ROBO1: variants seen among roughly 807,000 people sequenced by gnomAD.
The protein encoded by ROBO1 is roundabout homolog 1.
ROBO1 carries 149 observed loss-of-function variants against 195.9 expected under a neutral mutation model. That is an observed-to-expected ratio of 0.76 (90% CI 0.67 to 0.87). The LOEUF is 0.87. Ranked by LOEUF, ROBO1 falls within the 40% of genes least tolerant of loss-of-function variation. The probability of loss-of-function intolerance (pLI) is 0.00; values close to 1 mark genes in which losing one functional copy is unlikely to be tolerated. For missense variants in ROBO1, 1,933 were observed against 2,068.3 expected, an observed-to-expected ratio of 0.93 and a Z score of 1.27; for synonymous variants, 816 against 733.2, an observed-to-expected ratio of 1.11 and a Z score of -1.82.
chr3:79,103,338 C>T (rs1183962076), intron 3 of ROBO1, among the ~76,000 whole-genome samples: 1 of 151,690 alleles, frequency 6.6e-6, no homozygotes, highest in East Asian at 1.9e-4. Context: ...AACTAAGACA[C>T]CGGTTTTCGG....
At chr3:78,708,538 TAAG>T (rs1378891540) in intron 8 of ROBO1, among the ~76,000 whole-genome samples, 1 of 152,172 alleles carries the variant, frequency 6.6e-6, no homozygotes, top group East Asian at 1.9e-4. Context: ...CATCTGATTC[TAAG>T]AAGAACCTGA....
At chr3:78,996,101 A>G (rs2077358734) in intron 3 of ROBO1, among the ~76,000 whole-genome samples, 1 of 152,102 alleles carries the variant, frequency 6.6e-6, no homozygotes, top group African/African-American at 2.4e-5. Flanking sequence ...TTCAATTTTT[A>G]TATGTTACCC....
At chr3:79,273,998 G>A (rs1052996110) in intron 2 of ROBO1, among the ~76,000 whole-genome samples, 2 of 151,960 alleles carry the variant, frequency 1.3e-5, no homozygotes, top group South Asian at 2.1e-4. Flanking sequence ...CAACACCAGG[G>A]CACCCAGATA....
At chr3:78,761,527 A>C (rs973725593) in intron 4 of ROBO1, among the ~76,000 whole-genome samples, 1 of 152,154 alleles carries the variant, frequency 6.6e-6, no homozygotes, top group Non-Finnish European at 1.5e-5. Context: ...CATTAATATA[A>C]TCTCTGATTA....
At chr3:78,787,391 G>A (rs899482950) in intron 4 of ROBO1, among the ~76,000 whole-genome samples, 2 of 152,118 alleles carry the variant, frequency 1.3e-5, no homozygotes, top group Non-Finnish European at 2.9e-5. Context: ...TACTGTTTAT[G>A]TTTTTGAAGC....
chr3:79,017,577 A>G (rs774296981), intron 3 of ROBO1, among the ~76,000 whole-genome samples: 14 of 151,916 alleles, frequency 9.2e-5, no homozygotes, highest in Non-Finnish European at 1.8e-4. Context: ...GGCTCAGTTC[A>G]CCCACAGTAA....
intron 2 of ROBO1, among the ~76,000 whole-genome samples, chr3:79,304,938 A>G (rs997105491): frequency 8.5e-5 from 13 of 152,228 alleles, no homozygotes; most frequent in Admixed American, 5.2e-4. Context: ...CATAACTGCC[A>G]AACTGTTTTC....
At chr3:78,946,667 T>C (rs1168093485) in intron 3 of ROBO1, among the ~76,000 whole-genome samples, 1 of 152,112 alleles carries the variant, frequency 6.6e-6, no homozygotes, top group Non-Finnish European at 1.5e-5. Flanking sequence ...GATTCACACA[T>C]AACAATATTA....
chr3:79,254,886 G>A (rs917388443), intron 2 of ROBO1, among the ~76,000 whole-genome samples: 5 of 152,118 alleles, frequency 3.3e-5, no homozygotes, highest in African/African-American at 1.2e-4. Flanking sequence ...AATGTTTGTT[G>A]CATCAGTGAA....
At chr3:78,636,935 T>TTATATATATATATATATATATATA (rs55894934) in intron 22 of ROBO1, among the ~76,000 whole-genome samples, 2 of 96,696 alleles carry the variant, frequency 2.1e-5, no homozygotes, top group African/African-American at 3.6e-5. Context: ...TACATTCATT[T>TTATATATATATATATATATATATA]TATATATATA....
At chr3:78,949,687 T>G (rs1576454507) in intron 3 of ROBO1, among the ~76,000 whole-genome samples, 1 of 152,186 alleles carries the variant, frequency 6.6e-6, no homozygotes, top group Non-Finnish European at 1.5e-5. Flanking sequence ...AAAGAGCTTC[T>G]GCACAGCAAA....
chr3:79,475,343 T>G (rs1481918664), intron 2 of ROBO1, among the ~76,000 whole-genome samples: 1 of 151,820 alleles, frequency 6.6e-6, no homozygotes, highest in Non-Finnish European at 1.5e-5. Flanking sequence ...TAAGTCTGGG[T>G]GAGGTTCTGC....
intron 3 of ROBO1, among the ~76,000 whole-genome samples, chr3:79,086,312 T>TA (rs932286463): frequency 1.7e-3 from 251 of 147,066 alleles, no homozygotes; most frequent in African/African-American, 2.6e-3. Flanking sequence ...CTCTTTCATG[T>TA]AAAAAAAAAA....
intron 1 of ROBO1, among the ~76,000 whole-genome samples, chr3:79,749,992 C>G (rs1005770079): frequency 6.6e-6 from 1 of 152,196 alleles, no homozygotes; most frequent in Non-Finnish European, 1.5e-5. Context: ...GTGCTGTTCA[C>G]CTGGAAAAGC....
chr3:79,378,937 C>T (rs1170021093), intron 2 of ROBO1, among the ~76,000 whole-genome samples: 1 of 152,222 alleles, frequency 6.6e-6, no homozygotes. Context: ...TCCTCATCTG[C>T]AAAGCGAGTT....
rs779728397 is a variant in ROBO1, at chr3:79,076,246, GTA to G, written c.172+49208_172+49209del. Reference sequence around the variant, plus strand: ...ATATGTTACTTATATATAAATATAAGTATATATATATATAAACTATATATATA... The same window carrying G: ...ATATGTTACTTATATATAAATATAAGTATATATATATAAACTATATATATA... On this transcript the variant is annotated intron_variant, in intron 3 of 30. Transcript: ENST00000464233. 3.9e-3 allele frequency among the ~76,000 whole-genome samples: 572 copies of G among 145,440 alleles called. 5 individuals carry two copies. Among genetic ancestry groups the G allele is most frequent in the African/African-American group, 0.012 (480 of 40,070 alleles).
At chr3:78,681,556 G>C (rs1270017407) in intron 10 of ROBO1, among the ~76,000 whole-genome samples, 1 of 152,156 alleles carries the variant, frequency 6.6e-6, no homozygotes, top group Non-Finnish European at 1.5e-5. Flanking sequence ...GTTAGGGAAT[G>C]CTTCTTGAAG....
chr3:79,692,546 C>T (rs1269911829), intron 1 of ROBO1, among the ~76,000 whole-genome samples: 1 of 151,742 alleles, frequency 6.6e-6, no homozygotes, highest in Non-Finnish European at 1.5e-5. Context: ...ATTCTCTCAG[C>T]TAGATTCCAA....
chr3:79,553,964 A>T (rs1942611828), intron 2 of ROBO1, among the ~76,000 whole-genome samples: 1 of 152,082 alleles, frequency 6.6e-6, no homozygotes, highest in Non-Finnish European at 1.5e-5. Flanking sequence ...TTTTATGTGG[A>T]ACTGCATAAA....
Sources: gnomAD v4.1 joint callset for allele counts (sites outside exome capture counted in the v4.1 genomes callset) on GRCh38, gnomAD v4.1.1 for gene constraint, MANE v1.5 for transcripts, NCBI Gene and HGNC (gene_info 2026-07-23, HGNC 2026-07-21) for gene names.